The following TENM4 variants were observed in gnomAD, a reference collection of about 807,000 sequenced individuals.
The protein encoded by TENM4 is teneurin-4.
In TENM4, 82 loss-of-function variants were observed where a neutral mutation model predicts 243.3. That is an observed-to-expected ratio of 0.34 (90% CI 0.28 to 0.40). TENM4 has a LOEUF of 0.40. Ranked by LOEUF, TENM4 falls within the 10% of genes least tolerant of loss-of-function variation. TENM4 has a pLI of 1.00. For missense variants in TENM4, 3,138 were observed against 3,673.3 expected (o/e 0.85, Z 3.77); for synonymous variants, 1,412 against 1,456.3 (o/e 0.97, Z 0.69).
intron 3 of TENM4, among the ~76,000 whole-genome samples, chr11:79,158,541 C>T (rs1355618597): frequency 6.6e-6 from 1 of 152,190 alleles, no homozygotes; most frequent in Non-Finnish European, 1.5e-5. Context: ...AGACTCTTGA[C>T]ATATTGACTG....
chr11:79,381,026 G>C (rs535213146), intron 1 of TENM4, among the ~76,000 whole-genome samples: 1 of 152,236 alleles, frequency 6.6e-6, no homozygotes, highest in Admixed American at 6.5e-5. Flanking sequence ...CCAAATGCAG[G>C]AGCCTAGAAC....
chr11:79,436,178 G>A (rs1590965351), intron 1 of TENM4, among the ~76,000 whole-genome samples: 1 of 152,232 alleles, frequency 6.6e-6, no homozygotes, highest in African/African-American at 2.4e-5. Flanking sequence ...TGTTAAAACT[G>A]ACAGTGTTCA....
intron 12 of TENM4, among the ~76,000 whole-genome samples, chr11:78,827,425 T>G (rs1380592092): frequency 6.6e-6 from 1 of 152,150 alleles, no homozygotes; most frequent in Non-Finnish European, 1.5e-5. Context: ...GAAAATCCTC[T>G]TTTCCCACTT....
intron 2 of TENM4, among the ~76,000 whole-genome samples, chr11:79,227,104 ATCTTCACC>A (rs113316738): frequency 2.0e-5 from 3 of 152,326 alleles, no homozygotes; most frequent in South Asian, 2.1e-4. Context: ...CAGCCAGGGT[ATCTTCACC>A]TCTTACTTTG....
At position 78,885,857 on chromosome 11, in the gene TENM4, C is replaced by T. The variant is rs565765283; in HGVS notation, c.1084+3928G>A. On this transcript the variant is annotated intron_variant, in intron 9 of 33. Transcript: ENST00000278550. ...GAAGGATCACTGGAGCCCAGGAATT[C>T]AAGGCTGCAGTGAGCTATGACTGTG... is the stretch of plus-strand genomic sequence containing the variant. Among the ~76,000 whole-genome samples, 10 of 152,258 alleles carry T rather than the reference C, an allele frequency of 6.6e-5. No individual in the cohort carries two copies. In the East Asian group the frequency reaches 1.9e-3, roughly 29 times the overall value.
intron 4 of TENM4, among the ~76,000 whole-genome samples, chr11:79,077,560 G>A (rs1860563478): frequency 6.6e-6 from 1 of 152,106 alleles, no homozygotes; most frequent in African/African-American, 2.4e-5. Flanking sequence ...TACTGCAAGG[G>A]TGAAATCTGA....
intron 6 of TENM4, among the ~76,000 whole-genome samples, chr11:79,061,752 T>C (rs1483809526): frequency 6.6e-6 from 1 of 152,060 alleles, no homozygotes; most frequent in East Asian, 1.9e-4. Flanking sequence ...GCTGTAAGAG[T>C]AAAGATTTTA....
intron 27 of TENM4, among the ~76,000 whole-genome samples, chr11:78,706,088 T>C (rs922148987): frequency 1.3e-5 from 2 of 152,178 alleles, no homozygotes; most frequent in African/African-American, 2.4e-5. Context: ...CACACCTCAG[T>C]ATTCTTATCT....
At chr11:78,829,915 G>A (rs1857938910) in intron 12 of TENM4, among the ~76,000 whole-genome samples, 1 of 152,146 alleles carries the variant, frequency 6.6e-6, no homozygotes, top group Non-Finnish European at 1.5e-5. Context: ...CAGGATAAGA[G>A]GGAGCCTGGA....
intron 11 of TENM4, 57 bp from the exon 12 acceptor site, chr11:78,854,371 C>T: frequency 7.1e-7 from 1 of 1,411,412 alleles, no homozygotes; most frequent in South Asian, 1.6e-5. Flanking sequence ...GCACCAGCGT[C>T]CTTCCCGGGG....
rs549945216 is a variant in TENM4, at chr11:78,741,003, G to C, written c.2757-2433C>G. 9.2e-5 allele frequency among the ~76,000 whole-genome samples: 14 copies of C among 152,314 alleles called. No homozygotes were observed. The South Asian group carries it at 1.0e-3, about 11-fold the overall frequency. On this transcript the variant is annotated intron_variant, in intron 19 of 33. Transcript: ENST00000278550. ...CCCTGGACGCCGATAGGCCATAGAG[G>C]CCTCTTGCCAACACAGGCATTTGGC...
chr11:78,918,627 T>C (rs919123507), intron 6 of TENM4, among the ~76,000 whole-genome samples: 1 of 152,052 alleles, frequency 6.6e-6, no homozygotes, highest in Non-Finnish European at 1.5e-5. Context: ...CTCTTGACAA[T>C]GTAAGATGCA....
At chr11:78,784,233 CAGGGAGTAA>C (rs1277333115) in intron 16 of TENM4, among the ~76,000 whole-genome samples, 1 of 152,198 alleles carries the variant, frequency 6.6e-6, no homozygotes. Flanking sequence ...ATGACTCTCA[CAGGGAGTAA>C]AGTTCTCTGG....
chr11:79,228,392 A>AG (rs1285271960), intron 2 of TENM4, among the ~76,000 whole-genome samples: 4 of 152,208 alleles, frequency 2.6e-5, no homozygotes, highest in Admixed American at 6.5e-5. Context: ...AAGGACCACC[A>AG]GGTGCAGAAC....
intron 1 of TENM4, among the ~76,000 whole-genome samples, chr11:79,397,634 G>C (rs1235010099): frequency 6.6e-6 from 1 of 152,204 alleles, no homozygotes; most frequent in Non-Finnish European, 1.5e-5. Flanking sequence ...AGTAAGTAGA[G>C]AATGCAAAGG....
At chr11:79,036,711 A>G (rs1388371804) in intron 6 of TENM4, among the ~76,000 whole-genome samples, 6 of 152,174 alleles carry the variant, frequency 3.9e-5, no homozygotes, top group Non-Finnish European at 8.8e-5. Flanking sequence ...TGGGTGAGTC[A>G]GAGAAAGAAT....
chr11:78,963,778 C>T (rs988590335), intron 6 of TENM4, among the ~76,000 whole-genome samples: 7 of 148,068 alleles, frequency 4.7e-5, no homozygotes, highest in Admixed American at 2.0e-4. Context: ...GTCACCCAGG[C>T]TGGAGTGCAG....
At chr11:79,301,001 C>T (rs1252734218) in intron 1 of TENM4, among the ~76,000 whole-genome samples, 2 of 152,160 alleles carry the variant, frequency 1.3e-5, no homozygotes, top group African/African-American at 4.8e-5. Context: ...CTCCTAAATA[C>T]ACCTTGATTT....
Position 78,702,049 on chromosome 11 carries a change from C to T in TENM4, c.4564G>A (p.Asp1522Asn), listed in dbSNP as rs1859118956. 6.2e-7 allele frequency: 1 copy of T among 1,613,548 alleles called. No homozygotes were observed. ...GCDCKNDANCDCFSGDDGYAK... is the reference protein window; with the variant it reads ...GCDCKNDANCNCFSGDDGYAK... ...TAACCATCGTCTCCAGAAAAACAATCACAGTTGGCATCATTTTTACAGTCA... is the reference window on the plus strand; with the variant it reads ...TAACCATCGTCTCCAGAAAAACAATTACAGTTGGCATCATTTTTACAGTCA... The change falls in exon 28 of 34, where the codon GAT becomes AAT. Residue 1522 changes from aspartate (D) to asparagine (N), a missense_variant. Physicochemically the swap from Asp to Asn is conservative, Grantham distance 23. Around this residue, in one of 2 missense-constraint regions of TENM4, gnomAD observed 2,467 missense variants for 3,059.1 expected, o/e 0.81. Coordinates refer to ENST00000278550, the MANE Select transcript of TENM4 (RefSeq NM_001098816.3).
Sources: gnomAD v4.1 joint callset for allele counts (sites outside exome capture counted in the v4.1 genomes callset) on GRCh38, gnomAD v4.1.1 for gene constraint, gnomAD v4.1.1 regional missense constraint, MANE v1.5 for transcripts, NCBI Gene and HGNC (gene_info 2026-07-23, HGNC 2026-07-21) for gene names.